Variants in SPTBN5 observed in about 807,000 individuals in gnomAD.
SPTBN5 encodes the protein spectrin beta, non-erythrocytic 5, also known as spectrin beta chain, non-erythrocytic 5.
In SPTBN5, 513 loss-of-function variants were observed where a neutral mutation model predicts 477.6. The observed-to-expected ratio is 1.07, with a 90% confidence interval of 1.00 to 1.16. SPTBN5 has a LOEUF of 1.16. Among genes scored for constraint, SPTBN5 ranks in the 50% most tolerant of loss-of-function variants. The probability of loss-of-function intolerance (pLI) is 0.00; values close to 1 mark genes in which losing one functional copy is unlikely to be tolerated. For synonymous variants in SPTBN5, 2,169 were observed against 2,011.7 expected (o/e 1.08, Z -2.09); for missense variants, 5,062 against 4,731.8 (o/e 1.07, Z -2.05).
chr15:41,886,867 T>C (rs2067169618), intron 6 of SPTBN5, among the ~76,000 whole-genome samples: 1 of 152,260 alleles, frequency 6.6e-6, no homozygotes, highest in African/African-American at 2.4e-5. Context: ...CAGAGCCTTT[T>C]CTGTGCCTGT....
In SPTBN5 at chr15:41,871,479, C is replaced by G. The variant is rs1306651801; in HGVS notation, c.5343G>C (p.Glu1781Asp). Residue 1781 changes from glutamate (E) to aspartate (D), a missense_variant, in exon 29 of 68, where the codon GAG (glutamate) becomes GAC (aspartate). Coordinates refer to ENST00000320955, the MANE Select transcript of SPTBN5 (RefSeq NM_016642.4). ...AGGCGGCCACCCGCTGGCTGCCCAT[C>G]TCCACTTGGTGCTGAAACTTTGCAA... ...TKFAKFQHQV[E>D]MGSQRVAACR... 2.0e-6 allele frequency: 3 copies of G among 1,534,014 alleles called. No homozygotes were observed. The highest frequency in any genetic ancestry group is 2.6e-6 in the Non-Finnish European group (3 of 1,138,850).
At position 41,857,589 on chromosome 15, in the gene SPTBN5, A is replaced by T; in HGVS notation, c.8348T>A (p.Leu2783His). ...CAACCTCACCTCACAGGCCTTCTGG[A>T]GCTTGGCCACCTTCTTCTGGGAGTT... Reference protein sequence around the residue: ...QDNSQKKVAKLQKACEALRLR... With the variant: ...QDNSQKKVAKHQKACEALRLR... Residue 2783 changes from leucine (L) to histidine (H), a missense_variant, in exon 50 of 68, where the codon CTC becomes CAC. Transcript: ENST00000320955. 4 of 1,609,294 alleles carry T rather than the reference A, an allele frequency of 2.5e-6. No homozygotes were observed. Among genetic ancestry groups the T allele is most frequent in the Non-Finnish European group, 3.4e-6 (4 of 1,178,038 alleles).
intron 39 of SPTBN5, among the ~76,000 whole-genome samples, chr15:41,864,506 G>A (rs2066231072): frequency 1.3e-5 from 2 of 152,220 alleles, no homozygotes; most frequent in South Asian, 4.1e-4. Context: ...TAGAGATGGG[G>A]TTTCACCATG....
intron 59 of SPTBN5, 33 bp from the exon 60 acceptor site, chr15:41,853,033 T>G (rs915587272): frequency 6.8e-7 from 1 of 1,480,334 alleles, no homozygotes; most frequent in African/African-American, 1.4e-5. Context: ...GGTGACAGCT[T>G]GGGTAGGGCT....
At chr15:41,861,379 G>A (rs1347947168) in intron 46 of SPTBN5, 40 bp downstream of exon 46, 1 of 1,558,980 alleles carries the variant, frequency 6.4e-7, no homozygotes, top group Non-Finnish European at 8.8e-7. Context: ...ATGCTGCTCT[G>A]GTAATTCCCC....
At position 41,893,433 on chromosome 15, in the gene SPTBN5, G is replaced by A. The variant is rs1350310556; in HGVS notation, c.65C>T (p.Pro22Leu). The A allele has an allele frequency of 6.2e-7, 1 of 1,612,278 alleles. No individual in the cohort carries two copies. ...GGGCGGGACCCGGAGTTCTGTGCTGGGCCTCCTGCTGCGGTGCCCTGCAGC... is the reference window on the plus strand; with the variant it reads ...GGGCGGGACCCGGAGTTCTGTGCTGAGCCTCCTGCTGCGGTGCCCTGCAGC... ...LGAAGHRSRR[P>L]STELRVPPSP... Residue 22 changes from proline to leucine, a missense_variant, in exon 2 of 68, where the codon CCC becomes CTC. Physicochemically the swap from Pro to Leu is moderately conservative, Grantham distance 98. Coordinates refer to ENST00000320955, the MANE Select transcript of SPTBN5 (RefSeq NM_016642.4).
chr15:41,849,052 G>A (rs192614936), intron 67 of SPTBN5, among the ~76,000 whole-genome samples: 75 of 152,322 alleles, frequency 4.9e-4, no homozygotes, highest in Non-Finnish European at 1.0e-3. Flanking sequence ...CATGGTATGA[G>A]CCCTCCAGGC....
At position 41,851,073 on chromosome 15, in the gene SPTBN5, G is replaced by A. The variant is rs780489276; in HGVS notation, c.10821C>T (p.His3607=). Residue 3607 remains histidine, a synonymous_variant, in exon 65 of 68, where the codon CAC becomes CAT. Coordinates refer to ENST00000320955, the MANE Select transcript of SPTBN5 (RefSeq NM_016642.4). ...ERLRGRHGRK[H]TFSLRLTSGA... ...TCTCCGCTCACCTTAAGGAGAATGT[G>A]TGTTTCCTGCCGTGGCGGCCCCGCA... 6 of 1,612,352 alleles carry A rather than the reference G, an allele frequency of 3.7e-6. No homozygotes were observed. The African/African-American group carries it at 6.7e-5, about 18-fold the overall frequency.
chr15:41,866,283 A>G (rs1227651524), intron 37 of SPTBN5, 54 bp from the exon 38 acceptor site: 59 of 1,573,856 alleles, frequency 3.7e-5, no homozygotes, highest in Non-Finnish European at 5.1e-5. Context: ...TCCTCCTAAG[A>G]CTGACATTGC....
chr15:41,850,594 CA>C, intron 66 of SPTBN5: 1 of 498,696 alleles, frequency 2.0e-6, no homozygotes, highest in Non-Finnish European at 3.6e-6. Context: ...TGGCAGACTC[CA>C]AAAGGGGCAG....
In SPTBN5 at chr15:41,858,707, C is replaced by T; in HGVS notation, c.8121G>A (p.Glu2707=). The change falls in exon 49 of 68, where the codon GAG becomes GAA. Residue 2707 remains glutamate (E), a synonymous_variant. Coordinates refer to ENST00000320955, the MANE Select transcript of SPTBN5 (RefSeq NM_016642.4). ...WLREKNLVAL[E]EGLLDTAMLP... The stretch of plus-strand genomic sequence containing the variant: ...GCATGGCTGTGTCCAGCAAACCCTC[C>T]TCCAAGGCCACCAGGTTCTTCTCCC... 6.2e-7 allele frequency: 1 copy of T among 1,610,048 alleles called. No individual in the cohort carries two copies. The highest frequency in any genetic ancestry group is 1.1e-5 in the South Asian group (1 of 90,122).
At chr15:41,852,494 C>A in intron 61 of SPTBN5, 140 bp downstream of exon 61, 1 of 1,288,160 alleles carries the variant, frequency 7.8e-7, no homozygotes, top group Admixed American at 1.8e-5. Flanking sequence ...GGTGCCTCTC[C>A]CACCACCGCA....
Position 41,857,245 on chromosome 15 carries a change from G to A in SPTBN5, c.8614C>T (p.Leu2872Phe), listed in dbSNP as rs1388760693. The change falls in exon 51 of 68, where the codon CTT (leucine) becomes TTT (phenylalanine). Residue 2872 changes from leucine (L) to phenylalanine (F), a missense_variant. Physicochemically the swap from Leu to Phe is conservative, Grantham distance 22 (BLOSUM62 0). Coordinates refer to ENST00000320955, the MANE Select transcript of SPTBN5 (RefSeq NM_016642.4). ...QDVEEQARRLLQRFKSLREPL... is the reference protein window; with the variant it reads ...QDVEEQARRLFQRFKSLREPL... ...GGGCACGGGTGGATCTACCTCTGAA[G>A]CAGCCGCCGGGCCTGCTCTTCCACA... 2.5e-6 allele frequency: 4 copies of A among 1,583,128 alleles called. No individual in the cohort carries two copies. In the South Asian group the frequency reaches 3.4e-5, roughly 14 times the overall value.
intron 29 of SPTBN5, 127 bp downstream of exon 29, chr15:41,871,248 A>C (rs943897459): frequency 6.2e-6 from 7 of 1,128,544 alleles, no homozygotes; most frequent in Middle Eastern, 3.2e-4. Flanking sequence ...GGCCCCCTGC[A>C]GAGCCCCGTG....
At position 41,854,808 on chromosome 15, in the gene SPTBN5, C is replaced by T. The variant is rs749318299; in HGVS notation, c.9592G>A (p.Asp3198Asn). 6.4e-7 allele frequency: 1 copy of T among 1,567,354 alleles called. No homozygotes were observed. The highest frequency in any genetic ancestry group is 1.4e-5 in the African/African-American group (1 of 73,100). ...SRIEAAWERL[D>N]QAIKARTENL... ...TCTGTGCGGGCTTTTATTGCTTGGT[C>T]CAACCTCTCCCAAGCAGCCTCAATG... The change falls in exon 56 of 68, where the codon GAC becomes AAC. Residue 3198 changes from aspartate (D) to asparagine (N), a missense_variant. Coordinates refer to ENST00000320955, the MANE Select transcript of SPTBN5 (RefSeq NM_016642.4).
In SPTBN5 at chr15:41,870,056, A is replaced by G. The variant is rs767710939; in HGVS notation, c.5674-36T>C. 6 of 1,458,434 alleles carry G rather than the reference A, an allele frequency of 4.1e-6. No homozygotes were observed. In the African/African-American group the frequency reaches 4.3e-5, roughly 10 times the overall value. The allele number at this position is 1,458,434 out of a possible 1,614,324, so 90.3% of individuals were successfully genotyped here. A position where few individuals can be genotyped will look rare whatever the true frequency, so the allele number is the denominator to read the frequency against. On this transcript the variant is annotated intron_variant, in intron 31 of 67. Transcript: ENST00000320955. The stretch of plus-strand genomic sequence containing the variant: ...GGCAGGGAATAGGGAGGCAAGGGTC[A>G]TGTCCTCCTGATTATCCCACAGATG...
chr15:41,867,344 G>C (rs917173099), intron 35 of SPTBN5, among the ~76,000 whole-genome samples, 194 bp downstream of exon 35: 10 of 152,170 alleles, frequency 6.6e-5, no homozygotes, highest in Non-Finnish European at 1.3e-4. Context: ...GGTCTCTGCA[G>C]TGTGGCCCAT....
intron 7 of SPTBN5, 118 bp from the exon 8 acceptor site, chr15:41,883,604 G>T: frequency 2.4e-6 from 3 of 1,250,396 alleles, no homozygotes; most frequent in Non-Finnish European, 3.4e-6. Flanking sequence ...CCATGGCTGG[G>T]GCAAGGTCTA....
Position 41,871,873 on chromosome 15 carries a change from C to T in SPTBN5, c.5210G>A (p.Arg1737Lys). 6.3e-7 allele frequency: 1 copy of T among 1,586,578 alleles called. No homozygotes were observed. The highest frequency in any genetic ancestry group is 8.6e-7 in the Non-Finnish European group (1 of 1,166,722). The change falls in exon 28 of 68, where the codon AGG (arginine) becomes AAG (lysine). Residue 1737 changes from arginine to lysine, a missense_variant. Physicochemically the swap from Arg to Lys is conservative, Grantham distance 26. Coordinates refer to ENST00000320955, the MANE Select transcript of SPTBN5 (RefSeq NM_016642.4). Reference protein sequence around the residue: ...EGTLRLHEFLREAEDLQGWLA... With the variant: ...EGTLRLHEFLKEAEDLQGWLA... ...CCAGCCCTGCAGGTCCTCAGCCTCCCTCAGGAACTCATGCAGCCTCAGGGT... is the reference window on the plus strand; with the variant it reads ...CCAGCCCTGCAGGTCCTCAGCCTCCTTCAGGAACTCATGCAGCCTCAGGGT...
Sources: gnomAD v4.1 joint callset for allele counts (sites outside exome capture counted in the v4.1 genomes callset) on GRCh38, gnomAD v4.1.1 for gene constraint, MANE v1.5 for transcripts, NCBI Gene and HGNC (gene_info 2026-07-23, HGNC 2026-07-21) for gene names.